KANSL1L: variants seen among roughly 807,000 people sequenced by gnomAD.
KANSL1L encodes KAT8 regulatory NSL complex subunit 1-like protein.
KANSL1L carries 25 observed loss-of-function variants against 108.6 expected under a neutral mutation model. The observed-to-expected ratio is 0.23, with a 90% CI of 0.17 to 0.32. KANSL1L has a LOEUF of 0.32. KANSL1L is among the 10% of genes least tolerant of loss of function. The pLI, the probability that KANSL1L is intolerant of heterozygous loss-of-function variation, is 1.00. For missense variants in KANSL1L, 1,137 were observed against 1,125.7 expected, an observed-to-expected ratio of 1.01 and a Z score of -0.14; for synonymous variants, 405 against 395.1, an observed-to-expected ratio of 1.03 and a Z score of -0.30.
intron 1 of KANSL1L, among the ~76,000 whole-genome samples, chr2:210,164,783 A>G (rs2095378073): frequency 1.3e-5 from 2 of 151,908 alleles, no homozygotes; most frequent in African/African-American, 4.8e-5. Flanking sequence ...GATTCTGTCA[A>G]TAGGTAACAG....
At chr2:210,089,701 G>A (rs753202449) in intron 5 of KANSL1L, among the ~76,000 whole-genome samples, 42 of 151,978 alleles carry the variant, frequency 2.8e-4, no homozygotes, top group Admixed American at 7.2e-4. Flanking sequence ...TTTTTGGGGG[G>A]AGGGGCATGG....
intron 6 of KANSL1L, among the ~76,000 whole-genome samples, chr2:210,068,902 C>A (rs747802152): frequency 3.9e-5 from 6 of 152,136 alleles, no homozygotes; most frequent in African/African-American, 1.4e-4. Context: ...GAGTTACATA[C>A]CTAACCTTCC....
At chr2:210,070,326 G>T (rs1407251981) in intron 6 of KANSL1L, among the ~76,000 whole-genome samples, 4 of 147,598 alleles carry the variant, frequency 2.7e-5, no homozygotes, top group Non-Finnish European at 4.5e-5. Flanking sequence ...CGCCTCCCGG[G>T]TTCATGCCAT....
chr2:210,161,716 G>C (rs1344031036), intron 1 of KANSL1L, among the ~76,000 whole-genome samples: 1 of 152,126 alleles, frequency 6.6e-6, no homozygotes, highest in East Asian at 1.9e-4. Flanking sequence ...GAAAGTCACT[G>C]AGTTTATCAT....
intron 8 of KANSL1L, among the ~76,000 whole-genome samples, chr2:210,031,772 G>A (rs1479085959): frequency 6.6e-6 from 1 of 152,144 alleles, no homozygotes; most frequent in Non-Finnish European, 1.5e-5. Flanking sequence ...AAGATGATCT[G>A]TTCTCAAAGT....
At chr2:210,156,791 T>TA (rs2095335902) in intron 1 of KANSL1L, among the ~76,000 whole-genome samples, 1 of 152,078 alleles carries the variant, frequency 6.6e-6, no homozygotes, top group Non-Finnish European at 1.5e-5. Context: ...GGGAAAAGAC[T>TA]AAATGCAAAA....
intron 8 of KANSL1L, among the ~76,000 whole-genome samples, chr2:210,037,334 T>C (rs2094117439): frequency 6.6e-6 from 1 of 152,216 alleles, no homozygotes; most frequent in Admixed American, 6.5e-5. Flanking sequence ...CTTATCATCA[T>C]AATGATAATG....
intron 13 of KANSL1L, 81 bp from the exon 14 acceptor site, chr2:210,024,282 G>T: frequency 9.2e-7 from 1 of 1,091,862 alleles, no homozygotes; most frequent in Non-Finnish European, 1.3e-6. Flanking sequence ...AGGTATCACT[G>T]AGTCAAGTTA....
At chr2:210,109,896 T>C (rs1427578279) in intron 3 of KANSL1L, among the ~76,000 whole-genome samples, 1 of 152,160 alleles carries the variant, frequency 6.6e-6, no homozygotes, top group African/African-American at 2.4e-5. Context: ...TTGACTTCTT[T>C]AGGAACTGCA....
chr2:210,149,083 G>T (rs1377051270), intron 2 of KANSL1L, among the ~76,000 whole-genome samples: 1 of 151,966 alleles, frequency 6.6e-6, no homozygotes, highest in Non-Finnish European at 1.5e-5. Flanking sequence ...ACATCTTGTG[G>T]CCCATTTAAT....
intron 5 of KANSL1L, 138 bp downstream of exon 5, chr2:210,097,948 T>C (rs1296377397): frequency 2.1e-6 from 1 of 487,528 alleles, no homozygotes; most frequent in Non-Finnish European, 3.6e-6. Context: ...AATGCATCCA[T>C]GGTATATTGA....
intron 5 of KANSL1L, among the ~76,000 whole-genome samples, chr2:210,086,753 T>G (rs1323482804): frequency 6.6e-6 from 1 of 151,976 alleles, no homozygotes; most frequent in Non-Finnish European, 1.5e-5. Context: ...CCACAAAAAT[T>G]AGTATATAGA....
chr2:210,065,428 C>G (rs2094458753), intron 6 of KANSL1L, among the ~76,000 whole-genome samples: 2 of 151,350 alleles, frequency 1.3e-5, no homozygotes, highest in African/African-American at 4.9e-5. Context: ...AAGGTTCTCA[C>G]AGTTAGACAT....
intron 13 of KANSL1L, 119 bp from the exon 14 acceptor site, chr2:210,024,320 A>G (rs1403821793): frequency 6.3e-6 from 4 of 635,628 alleles, no homozygotes; most frequent in East Asian, 3.3e-5. Context: ...AGTTTTGCCC[A>G]AAGATTTTTA....
intron 5 of KANSL1L, among the ~76,000 whole-genome samples, chr2:210,080,833 A>C (rs957697115): frequency 6.6e-6 from 1 of 151,830 alleles, no homozygotes; most frequent in Admixed American, 6.6e-5. Context: ...GTGGCTGGGC[A>C]TGGTGGCTCA....
chr2:210,167,048 AAT>A (rs1173301536), intron 1 of KANSL1L, among the ~76,000 whole-genome samples: 1 of 151,968 alleles, frequency 6.6e-6, no homozygotes. Context: ...ATAAATAAAA[AAT>A]ATATGAGGAT....
intron 3 of KANSL1L, among the ~76,000 whole-genome samples, chr2:210,106,991 G>A (rs1299970205): frequency 6.6e-6 from 1 of 151,852 alleles, no homozygotes; most frequent in Admixed American, 6.6e-5. Context: ...ATTAGTAAAA[G>A]GATATTCTGA....
chr2:210,079,136 T>A (rs75665352), intron 5 of KANSL1L, among the ~76,000 whole-genome samples: 13 of 152,004 alleles, frequency 8.6e-5, no homozygotes, highest in South Asian at 8.3e-4. Context: ...CCTTAAAAAA[T>A]TTTTTTAAAG....
At chr2:210,051,141 A>G (rs1270948137) in intron 6 of KANSL1L, among the ~76,000 whole-genome samples, 2 of 152,162 alleles carry the variant, frequency 1.3e-5, no homozygotes, top group African/African-American at 4.8e-5. Context: ...ATTGCTATGG[A>G]GAACTCATTC....
Sources: gnomAD v4.1 joint callset for allele counts (sites outside exome capture counted in the v4.1 genomes callset) on GRCh38, gnomAD v4.1.1 for gene constraint, MANE v1.5 for transcripts, NCBI Gene and HGNC (gene_info 2026-07-23, HGNC 2026-07-21) for gene names.